CEP112: variants seen among roughly 807,000 people sequenced by gnomAD.
The protein encoded by CEP112 is centrosomal protein of 112 kDa.
A neutral mutation model predicts 153.0 loss-of-function variants in CEP112; 127 were observed. That is an observed-to-expected ratio of 0.83 (90% confidence interval 0.72 to 0.96). The LOEUF is 0.96. Among genes scored for constraint, CEP112 ranks in the 40% least tolerant of loss-of-function variants. The pLI is 0.00. For missense variants in CEP112, 1,089 were observed against 1,101.2 expected (o/e 0.99, Z 0.16); for synonymous variants, 358 against 374.4 (o/e 0.96, Z 0.51).
At chr17:65,727,187 G>T (rs1413352794) in intron 23 of CEP112, among the ~76,000 whole-genome samples, 1 of 152,154 alleles carries the variant, frequency 6.6e-6, no homozygotes, top group Non-Finnish European at 1.5e-5. Flanking sequence ...TGGTCGGGTG[G>T]CAGTCAGTCT....
chr17:66,047,757 C>A (rs897660426), intron 12 of CEP112, among the ~76,000 whole-genome samples: 4 of 152,156 alleles, frequency 2.6e-5, no homozygotes, highest in Admixed American at 6.5e-5. Flanking sequence ...AAACTTTATA[C>A]AACAAAAGTT....
At chr17:66,090,154 A>G (rs755174602) in intron 8 of CEP112, among the ~76,000 whole-genome samples, 5 of 152,118 alleles carry the variant, frequency 3.3e-5, no homozygotes, top group African/African-American at 7.2e-5. Context: ...GTTCATGACC[A>G]CTAGACTTGT....
intron 23 of CEP112, among the ~76,000 whole-genome samples, chr17:65,741,357 T>A (rs2051123943): frequency 6.6e-6 from 1 of 152,042 alleles, no homozygotes; most frequent in Non-Finnish European, 1.5e-5. Context: ...AAAAAAGAAA[T>A]GTCATTTACT....
At chr17:65,760,163 T>C (rs1643959665) in intron 21 of CEP112, among the ~76,000 whole-genome samples, 1 of 152,172 alleles carries the variant, frequency 6.6e-6, no homozygotes, top group South Asian at 2.1e-4. Flanking sequence ...AGTTTGTCGA[T>C]TCTTTTGGAT....
chr17:65,927,592 T>C lies in CEP112; in HGVS notation c.1970A>G (p.Tyr657Cys), dbSNP rs746779287. Reference protein sequence around the residue: ...LWQLEDIRQRYEQQIVELKLE... With the variant: ...LWQLEDIRQRCEQQIVELKLE... ...AAATGAAAGACCAACCTGTTGTTCA[T>C]ACCGCTGTCTGATGTCCTCCAGTTG... is the stretch of plus-strand genomic sequence containing the variant. The change falls in exon 19 of 27, where the codon TAT becomes TGT. Residue 657 changes from tyrosine (Y) to cysteine (C), a missense_variant. By Grantham distance (194) the Tyr-to-Cys change is radical. Coordinates refer to ENST00000535342, the MANE Select transcript of CEP112 (RefSeq NM_001199165.4). 6.3e-7 allele frequency: 1 copy of C among 1,589,332 alleles called. No individual in the cohort carries two copies. The highest frequency in any genetic ancestry group is 1.2e-5 in the South Asian group (1 of 85,196).
At chr17:65,857,988 T>G (rs2058182169) in intron 20 of CEP112, among the ~76,000 whole-genome samples, 1 of 152,208 alleles carries the variant, frequency 6.6e-6, no homozygotes, top group Non-Finnish European at 1.5e-5. Context: ...TTTTATAGTT[T>G]AGGAATTTTT....
chr17:65,754,419 G>A (rs1468649521), intron 21 of CEP112, among the ~76,000 whole-genome samples: 1 of 152,112 alleles, frequency 6.6e-6, no homozygotes, highest in Non-Finnish European at 1.5e-5. Context: ...GACCAGCCTG[G>A]CCAAAATGGT....
At chr17:65,864,843 G>A (rs2058429360) in intron 20 of CEP112, among the ~76,000 whole-genome samples, 1 of 151,912 alleles carries the variant, frequency 6.6e-6, no homozygotes, top group African/African-American at 2.4e-5. Flanking sequence ...ACATCATGTA[G>A]AAAAGGTCAG....
chr17:65,708,929 T>C (rs1040517917), intron 23 of CEP112, among the ~76,000 whole-genome samples: 1 of 152,162 alleles, frequency 6.6e-6, no homozygotes, highest in Non-Finnish European at 1.5e-5. Context: ...TTGGACTGGA[T>C]GTGTAGGTGT....
chr17:66,006,695 T>C (rs2064291425), intron 16 of CEP112, among the ~76,000 whole-genome samples: 1 of 152,176 alleles, frequency 6.6e-6, no homozygotes, highest in African/African-American at 2.4e-5. Context: ...TCTTAAAATG[T>C]AAAAGGGAAA....
chr17:65,936,863 C>T (rs1365684513), intron 18 of CEP112, among the ~76,000 whole-genome samples: 2 of 148,742 alleles, frequency 1.3e-5, no homozygotes, highest in Admixed American at 6.8e-5. Flanking sequence ...CCTCTGATGC[C>T]GAGCCGAAGC....
chr17:66,100,061 A>T (rs1463879131), intron 6 of CEP112, among the ~76,000 whole-genome samples: 1 of 152,174 alleles, frequency 6.6e-6, no homozygotes, highest in Non-Finnish European at 1.5e-5. Flanking sequence ...GACTAGATTC[A>T]GGAAAAAAAA....
intron 4 of CEP112, among the ~76,000 whole-genome samples, chr17:66,142,222 G>A (rs1344063644): frequency 1.3e-5 from 2 of 152,146 alleles, no homozygotes; most frequent in South Asian, 2.1e-4. Flanking sequence ...TTTTGGGGCA[G>A]TTGAGTTGAG....
At chr17:65,966,880 T>C (rs2062434186) in intron 17 of CEP112, among the ~76,000 whole-genome samples, 1 of 152,158 alleles carries the variant, frequency 6.6e-6, no homozygotes, top group Admixed American at 6.5e-5. Flanking sequence ...GGTCTTAATA[T>C]TGAATATATG....
At chr17:65,845,027 G>T (rs1011722214) in intron 21 of CEP112, among the ~76,000 whole-genome samples, 4 of 150,468 alleles carry the variant, frequency 2.7e-5, no homozygotes, top group Admixed American at 2.0e-4. Flanking sequence ...AAAAAATTAT[G>T]TTATATCAAA....
At position 66,117,699 on chromosome 17, in the gene CEP112, G is replaced by A. The variant is rs529011455; in HGVS notation, c.642+12047C>T. Among the ~76,000 whole-genome samples, 10 of 152,254 alleles carry A rather than the reference G, an allele frequency of 6.6e-5. No individual in the cohort carries two copies. The South Asian group carries it at 8.3e-4, about 13-fold the overall frequency. On this transcript the variant is annotated intron_variant, in intron 6 of 26. Transcript: ENST00000535342. The stretch of plus-strand genomic sequence containing the variant: ...CATCAAGCTAAAAAGCTTCTGCACA[G>A]CAAAGGAAACAATCAACAAAGTGAA...
chr17:65,775,782 C>T (rs572637358), intron 21 of CEP112, among the ~76,000 whole-genome samples: 1 of 152,214 alleles, frequency 6.6e-6, no homozygotes, highest in Non-Finnish European at 1.5e-5. Context: ...GGATTACAGG[C>T]ATGAGCCATT....
At chr17:66,031,494 T>TG (rs57103365) in intron 12 of CEP112, among the ~76,000 whole-genome samples, 60,206 of 147,926 alleles carry the variant, frequency 0.41, 13,752 homozygotes, top group East Asian at 0.87. Flanking sequence ...TTGTTTTTTT[T>TG]TTTTTTTGAG....
rs9897839 is a variant in CEP112 at position 65,834,787 on chromosome 17, G to A, written c.2394+17017C>T. Among the ~76,000 whole-genome samples the A allele has an allele frequency of 2.8e-3, 429 of 152,208 alleles. 1 individual carries two copies. The highest frequency in any genetic ancestry group is 1.0e-2 in the African/African-American group (414 of 41,520). The stretch of plus-strand genomic sequence containing the variant: ...TTCAACCATTGTGGAAGGCAGTATG[G>A]CCATTCCTCAAAGAGTTGAAAACAG... On this transcript the variant is annotated intron_variant, in intron 21 of 26. Coordinates refer to ENST00000535342, the MANE Select transcript of CEP112 (RefSeq NM_001199165.4).
Sources: gnomAD v4.1 joint callset for allele counts (sites outside exome capture counted in the v4.1 genomes callset) on GRCh38, gnomAD v4.1.1 for gene constraint, MANE v1.5 for transcripts, NCBI Gene and HGNC (gene_info 2026-07-23, HGNC 2026-07-21) for gene names.